Variants in ENOX1 observed in about 807,000 individuals in gnomAD.
The protein encoded by ENOX1 is candidate growth-related and time keeping constitutive hydroquinone (NADH) oxidase.
A neutral mutation model predicts 82.5 loss-of-function variants in ENOX1; 42 were observed. The ratio of observed to expected loss-of-function variants is 0.51; its 90% CI spans 0.40 to 0.66. The LOEUF (loss-of-function observed/expected upper bound fraction) is 0.66, where lower values mean the gene tolerates loss of function less well. ENOX1 is among the 30% of genes least tolerant of loss of function. The pLI is 0.00. For synonymous variants in ENOX1, 271 were observed against 282.2 expected (o/e 0.96, Z 0.40); for missense variants, 608 against 811.6 (o/e 0.75, Z 3.05).
intron 10 of ENOX1, among the ~76,000 whole-genome samples, chr13:43,325,298 A>C (rs923745053): frequency 6.6e-6 from 1 of 152,238 alleles, no homozygotes; most frequent in African/African-American, 2.4e-5. Flanking sequence ...ATTAGTGAAC[A>C]AACTAAAAAA....
At chr13:43,326,653 A>G (rs1275802626) in intron 9 of ENOX1, 128 bp from the exon 10 acceptor site, 1 of 767,446 alleles carries the variant, frequency 1.3e-6, no homozygotes, top group Non-Finnish European at 2.2e-6. Flanking sequence ...ATATCCATCC[A>G]ATTTGTGCCT....
At chr13:43,599,724 C>G (rs1187338546) in intron 2 of ENOX1, among the ~76,000 whole-genome samples, 1 of 151,534 alleles carries the variant, frequency 6.6e-6, no homozygotes, top group Non-Finnish European at 1.5e-5. Flanking sequence ...ACCGCCCCTC[C>G]ACCAACCCCA....
intron 2 of ENOX1, chr13:43,609,953 C>T (rs2082129243): frequency 1.0e-6 from 1 of 969,334 alleles, no homozygotes; most frequent in Non-Finnish European, 1.2e-6. Context: ...ATCTTTGGTT[C>T]CAAACATTTT....
chr13:43,369,041 T>A (rs2051040688), intron 5 of ENOX1, among the ~76,000 whole-genome samples: 1 of 151,882 alleles, frequency 6.6e-6, no homozygotes, highest in African/African-American at 2.4e-5. Flanking sequence ...CTTTTTTTTT[T>A]AACAGTTTTC....
At chr13:43,530,824 C>T (rs1237932571) in intron 2 of ENOX1, among the ~76,000 whole-genome samples, 1 of 151,998 alleles carries the variant, frequency 6.6e-6, no homozygotes, top group Non-Finnish European at 1.5e-5. Context: ...ATTACTGTTA[C>T]ACCCTTTTAA....
At chr13:43,532,024 T>C (rs1237899889) in intron 2 of ENOX1, among the ~76,000 whole-genome samples, 1 of 152,000 alleles carries the variant, frequency 6.6e-6, no homozygotes, top group African/African-American at 2.4e-5. Context: ...TGTATACATA[T>C]GTAGCAAACC....
At chr13:43,710,380 G>A (rs1173839027) in intron 1 of ENOX1, among the ~76,000 whole-genome samples, 1 of 152,048 alleles carries the variant, frequency 6.6e-6, no homozygotes, top group Non-Finnish European at 1.5e-5. Flanking sequence ...CTCAATAAAT[G>A]TAGAAATAAC....
chr13:43,311,589 G>C (rs796122918), intron 11 of ENOX1, among the ~76,000 whole-genome samples: 49 of 152,290 alleles, frequency 3.2e-4, no homozygotes, highest in African/African-American at 1.2e-3. Flanking sequence ...ACAGTGGGCA[G>C]AGACTGTGAG....
intron 9 of ENOX1, among the ~76,000 whole-genome samples, chr13:43,338,537 G>A (rs1049782338): frequency 6.6e-6 from 1 of 152,008 alleles, no homozygotes; most frequent in Non-Finnish European, 1.5e-5. Context: ...CCAGAAGGGA[G>A]GAGAAAGCCC....
At chr13:43,275,049 A>G (rs2044925205) in intron 12 of ENOX1, among the ~76,000 whole-genome samples, 1 of 152,136 alleles carries the variant, frequency 6.6e-6, no homozygotes, top group South Asian at 2.1e-4. Context: ...TCCTACCTCA[A>G]CCCGTGGTTT....
chr13:43,729,619 A>C (rs2089213578), intron 1 of ENOX1, among the ~76,000 whole-genome samples: 3 of 152,356 alleles, frequency 2.0e-5, no homozygotes, highest in African/African-American at 7.2e-5. Flanking sequence ...TAACATGTGC[A>C]TTCTCTACCA....
At chr13:43,594,027 T>C (rs1406507790) in intron 2 of ENOX1, among the ~76,000 whole-genome samples, 2 of 152,078 alleles carry the variant, frequency 1.3e-5, no homozygotes, top group African/African-American at 2.4e-5. Context: ...CCAGGCCCCA[T>C]TGTGCTCGGA....
chr13:43,317,608 C>A (rs1034178054), intron 11 of ENOX1, among the ~76,000 whole-genome samples: 3 of 151,482 alleles, frequency 2.0e-5, no homozygotes, highest in Non-Finnish European at 4.4e-5. Context: ...TTCAGATAGG[C>A]TGATACTGCT....
intron 2 of ENOX1, among the ~76,000 whole-genome samples, chr13:43,508,424 C>A (rs2077251181): frequency 6.6e-6 from 1 of 151,970 alleles, no homozygotes; most frequent in Admixed American, 6.6e-5. Flanking sequence ...AAACAAATTT[C>A]TGTTCTTTAT....
At chr13:43,424,640 G>A (rs1376191601) in intron 3 of ENOX1, among the ~76,000 whole-genome samples, 1 of 152,222 alleles carries the variant, frequency 6.6e-6, no homozygotes, top group Non-Finnish European at 1.5e-5. Flanking sequence ...CCTGGGACAG[G>A]GAGCGTTAGC....
At chr13:43,377,050 A>G (rs2051688443) in intron 5 of ENOX1, among the ~76,000 whole-genome samples, 1 of 152,134 alleles carries the variant, frequency 6.6e-6, no homozygotes, top group Non-Finnish European at 1.5e-5. Flanking sequence ...TGTCCCTGCT[A>G]TAGTCTGTAT....
At chr13:43,293,959 C>T (rs965425643) in intron 12 of ENOX1, among the ~76,000 whole-genome samples, 2 of 152,122 alleles carry the variant, frequency 1.3e-5, no homozygotes, top group African/African-American at 4.8e-5. Context: ...GAAAAAAATG[C>T]TTGTCACTTA....
chr13:43,552,169 T>C (rs907163265), intron 2 of ENOX1, among the ~76,000 whole-genome samples: 2 of 152,122 alleles, frequency 1.3e-5, no homozygotes, highest in African/African-American at 2.4e-5. Flanking sequence ...GAAGTATTCA[T>C]TGACAGTTTC....
chr13:43,375,118 G>A (rs1475469740), intron 5 of ENOX1, among the ~76,000 whole-genome samples: 3 of 152,050 alleles, frequency 2.0e-5, no homozygotes, highest in African/African-American at 7.2e-5. Context: ...TTCCTATTTT[G>A]GTGGCTTCTG....
Sources: allele counts gnomAD v4.1 joint callset (sites outside exome capture counted in the v4.1 genomes callset), GRCh38; gene constraint gnomAD v4.1.1; transcripts MANE v1.5; gene names NCBI Gene and HGNC (gene_info 2026-07-23, HGNC 2026-07-21).